Variants in UNC13C observed in about 807,000 individuals in gnomAD.
The protein encoded by UNC13C is unc-13 homolog C.
A neutral mutation model predicts 245.4 loss-of-function variants in UNC13C; 174 were observed. The ratio of observed to expected loss-of-function variants is 0.71; its 90% CI spans 0.63 to 0.80. The LOEUF is 0.80. Among genes scored for constraint, UNC13C ranks in the 30% least tolerant of loss-of-function variants. UNC13C has a pLI of 0.00. For missense variants in UNC13C, 2,829 were observed against 2,602.9 expected, an observed-to-expected ratio of 1.09 and a Z score of -1.89; for synonymous variants, 992 against 895.1, an observed-to-expected ratio of 1.11 and a Z score of -1.93.
chr15:54,186,836 A>ATATATATATATAT (rs1567079825), intron 4 of UNC13C, among the ~76,000 whole-genome samples: 4 of 126,142 alleles, frequency 3.2e-5, no homozygotes, highest in Non-Finnish European at 6.7e-5. Flanking sequence ...CAAAGAACAT[A>ATATATATATATAT]ATATATATGT....
At chr15:53,869,301 T>G in the UNC13C span, among the ~76,000 whole-genome samples, 2 of 152,208 alleles carry the variant, frequency 1.3e-5, no homozygotes, top group Admixed American at 6.5e-5. Flanking sequence ...CAATGCTGCC[T>G]GTCCTGAGCT....
chr15:54,112,609 C>G (rs1567022868), intron 2 of UNC13C, among the ~76,000 whole-genome samples: 1 of 152,096 alleles, frequency 6.6e-6, no homozygotes, highest in Non-Finnish European at 1.5e-5. Context: ...GTCACATCTG[C>G]CGACATTCAC....
At chr15:53,961,665 T>C in the UNC13C span, among the ~76,000 whole-genome samples, 14 of 152,236 alleles carry the variant, frequency 9.2e-5, no homozygotes, top group Non-Finnish European at 2.9e-5. Flanking sequence ...GGTTAATATA[T>C]GTCCATGCCA....
the UNC13C span, among the ~76,000 whole-genome samples, chr15:53,962,784 A>C: frequency 2.6e-5 from 4 of 152,176 alleles, no homozygotes; most frequent in African/African-American, 7.2e-5. Context: ...ACATAAATAG[A>C]ATCACAGAGG....
chr15:54,248,948 A>C (rs944895974), intron 7 of UNC13C, among the ~76,000 whole-genome samples: 25 of 152,258 alleles, frequency 1.6e-4, no homozygotes, highest in Admixed American at 5.2e-4. Flanking sequence ...TCATTTCAAC[A>C]CTGTGGGAAA....
Position 54,561,569 on chromosome 15 carries a change from G to C in UNC13C, c.5958+6057G>C, listed in dbSNP as rs532036943. ...CAAGAAGGCTTGGAGGCAGTGAGTA[G>C]ACTACTCTGTGGACTGGCCTGGACT... On this transcript the variant is annotated intron_variant, in intron 29 of 32. Transcript: ENST00000260323. Among the ~76,000 whole-genome samples the C allele has an allele frequency of 2.0e-4, 31 of 152,094 alleles. No individual in the cohort carries two copies. The South Asian group carries it at 5.6e-3, about 27-fold the overall frequency.
the UNC13C span, among the ~76,000 whole-genome samples, chr15:53,919,519 A>G: frequency 6.6e-6 from 1 of 152,184 alleles, no homozygotes; most frequent in Non-Finnish European, 1.5e-5. Context: ...TCTAAACAGA[A>G]TGCAACTAAG....
the UNC13C span, among the ~76,000 whole-genome samples, chr15:53,915,717 A>G: frequency 6.6e-6 from 1 of 152,268 alleles, no homozygotes; most frequent in Admixed American, 6.5e-5. Context: ...TTTGCTTAGC[A>G]TATCAGCAAA....
intron 19 of UNC13C, among the ~76,000 whole-genome samples, chr15:54,470,313 GAATATGTATTAGTTCTTCTTGAAA>G (rs1596440150): frequency 1.9e-5 from 1 of 52,940 alleles, no homozygotes; most frequent in East Asian, 1.2e-3. Flanking sequence ...GGTTTGAGTA[GAATATGTATTAGTTCTTCTTGAAA>G]TGTTTGGTAA....
chr15:54,195,932 A>T (rs1314291097), intron 4 of UNC13C, among the ~76,000 whole-genome samples: 1 of 152,102 alleles, frequency 6.6e-6, no homozygotes, highest in Non-Finnish European at 1.5e-5. Context: ...ACTGTGTCTT[A>T]TTCTGTCTTT....
At chr15:53,999,017 A>G (rs1006700839) in intron 1 of UNC13C, among the ~76,000 whole-genome samples, 1 of 151,990 alleles carries the variant, frequency 6.6e-6, no homozygotes, top group African/African-American at 2.4e-5. Context: ...GTTTTGTTAA[A>G]CATTTTTCAT....
intron 2 of UNC13C, among the ~76,000 whole-genome samples, chr15:54,060,760 C>G (rs1410449706): frequency 1.3e-5 from 2 of 152,082 alleles, no homozygotes; most frequent in East Asian, 3.8e-4. Flanking sequence ...AAATGTGGCA[C>G]ATATACACCA....
chr15:53,933,750 A>G, the UNC13C span, among the ~76,000 whole-genome samples: 1 of 152,104 alleles, frequency 6.6e-6, no homozygotes, highest in Non-Finnish European at 1.5e-5. Flanking sequence ...AGCCTTGTCT[A>G]TCTGGTGACC....
At chr15:53,918,201 T>C in the UNC13C span, among the ~76,000 whole-genome samples, 1 of 152,212 alleles carries the variant, frequency 6.6e-6, no homozygotes, top group Non-Finnish European at 1.5e-5. Flanking sequence ...AGCCACTCCA[T>C]CGCAGAAGCA....
intron 2 of UNC13C, chr15:54,049,767 A>G (rs1267914719): frequency 1.2e-5 from 3 of 255,108 alleles, no homozygotes. Flanking sequence ...AAATAATCCA[A>G]TAGCAAACAA....
intron 4 of UNC13C, among the ~76,000 whole-genome samples, chr15:54,168,845 A>T (rs890643913): frequency 3.9e-5 from 6 of 152,350 alleles, no homozygotes; most frequent in Non-Finnish European, 7.3e-5. Context: ...AACATTAAAG[A>T]GGGCATAAAT....
chr15:54,169,791 T>G (rs900187038), intron 4 of UNC13C, among the ~76,000 whole-genome samples: 2 of 152,164 alleles, frequency 1.3e-5, no homozygotes, highest in Admixed American at 1.3e-4. Flanking sequence ...GGGGACCTTC[T>G]TCCAAGAAAC....
At chr15:53,878,716 C>T in the UNC13C span, among the ~76,000 whole-genome samples, 2 of 152,078 alleles carry the variant, frequency 1.3e-5, no homozygotes, top group East Asian at 1.9e-4. Flanking sequence ...AGCTAGCTGC[C>T]ATAATGATGA....
chr15:54,055,844 A>G (rs557086489), intron 2 of UNC13C, among the ~76,000 whole-genome samples: 16 of 152,302 alleles, frequency 1.1e-4, no homozygotes, highest in Non-Finnish European at 1.9e-4. Context: ...TTTGCGTCCA[A>G]TGGGTACATT....
Sources: gnomAD v4.1 joint callset for allele counts (sites outside exome capture counted in the v4.1 genomes callset) on GRCh38, gnomAD v4.1.1 for gene constraint, MANE v1.5 for transcripts, NCBI Gene and HGNC (gene_info 2026-07-23, HGNC 2026-07-21) for gene names.